The following HMGXB3 variants were observed in gnomAD, a reference collection of about 807,000 sequenced individuals.
HMGXB3 encodes HMG domain-containing protein 3.
A neutral mutation model predicts 121.5 loss-of-function variants in HMGXB3; 45 were observed. That is an observed-to-expected ratio of 0.37 (90% CI 0.29 to 0.47). The LOEUF (loss-of-function observed/expected upper bound fraction) is 0.47, where lower values mean the gene tolerates loss of function less well. Among genes scored for constraint, HMGXB3 ranks in the 20% least tolerant of loss-of-function variants. The probability of loss-of-function intolerance (pLI) is 0.99; values close to 1 mark genes in which losing one functional copy is unlikely to be tolerated. For synonymous variants in HMGXB3, 590 were observed against 624.1 expected, an observed-to-expected ratio of 0.95 and a Z score of 0.81; for missense variants, 1,376 against 1,602.2, an observed-to-expected ratio of 0.86 and a Z score of 2.41.
intron 14 of HMGXB3, 45 bp from the exon 15 acceptor site, chr5:150,041,740 G>A (rs896241946): frequency 1.4e-6 from 2 of 1,470,354 alleles, no homozygotes; most frequent in East Asian, 4.9e-5. Context: ...AGTGGCTTCA[G>A]TGTCTTTTTC....
Position 150,018,716 on chromosome 5 carries a change from T to TG in HMGXB3, c.1041+20dup. ...CCCAAAGGTAAGGTCCATTGGCTGT[T>TG]GCTGCTTTGGAAGCCTCACAGAATA... On this transcript the variant is annotated intron_variant, in intron 6 of 19. Transcript: ENST00000502717. 6.5e-7 allele frequency: 1 copy of TG among 1,541,066 alleles called. No homozygotes were observed. Among genetic ancestry groups the TG allele is most frequent in the South Asian group, 1.2e-5 (1 of 81,620 alleles).
In HMGXB3 at chr5:150,001,194, C is replaced by A. The variant is rs1444330579; in HGVS notation, c.-3+15C>A. 6.5e-6 allele frequency: 1 copy of A among 152,718 alleles called. No homozygotes were observed. The highest frequency in any genetic ancestry group is 1.5e-5 in the Non-Finnish European group (1 of 68,248). 9.5% of individuals were successfully genotyped at this position (152,718 alleles called of 1,614,324 possible). On this transcript the variant is annotated intron_variant, in intron 1 of 19. Coordinates refer to ENST00000502717, the MANE Select transcript of HMGXB3 (RefSeq NM_014983.3). Reference sequence around the variant, plus strand: ...CGCTCCTCCGGGTAAGTCCCGCCTTCGAGGGCCGCGCCGAGCCGCTGGGCG... The same window carrying A: ...CGCTCCTCCGGGTAAGTCCCGCCTTAGAGGGCCGCGCCGAGCCGCTGGGCG...
At chr5:150,012,463 G>C in intron 5 of HMGXB3, 110 bp downstream of exon 5, 1 of 759,074 alleles carries the variant, frequency 1.3e-6, no homozygotes, top group South Asian at 1.6e-5. Context: ...GGACCAAGAA[G>C]ATTTCTAAAA....
At chr5:150,044,737 C>T (rs1220791846) in intron 15 of HMGXB3, among the ~76,000 whole-genome samples, 1 of 152,102 alleles carries the variant, frequency 6.6e-6, no homozygotes, top group African/African-American at 2.4e-5. Context: ...CAAGATGTGG[C>T]CAAGGTTTTT....
chr5:150,028,505 ATGTGTGTG>A (rs1156746032), intron 9 of HMGXB3, among the ~76,000 whole-genome samples: 9 of 90,492 alleles, frequency 9.9e-5, no homozygotes, highest in South Asian at 6.3e-4. Context: ...ATATGTATGT[ATGTGTGTG>A]TGTGTGTGTG....
chr5:150,037,375 T>A (rs1375426992), intron 12 of HMGXB3, 25 bp from the exon 13 acceptor site: 1 of 1,508,382 alleles, frequency 6.6e-7, no homozygotes, highest in Non-Finnish European at 8.9e-7. Context: ...TTCTTTTTTT[T>A]TGTTGGTGAT....
intron 4 of HMGXB3, among the ~76,000 whole-genome samples, chr5:150,010,921 A>C (rs141140087): frequency 1.1e-3 from 170 of 152,378 alleles, no homozygotes; most frequent in Non-Finnish European, 2.2e-3. Context: ...AGGATCTGTC[A>C]GGCAATTTAG....
At chr5:150,020,405 G>A (rs9686746) in intron 6 of HMGXB3, among the ~76,000 whole-genome samples, 82,810 of 152,050 alleles carry the variant, frequency 0.54, 25,402 homozygotes, top group Non-Finnish European at 0.69. Flanking sequence ...ATCTTCCTTG[G>A]CCTTTCTTGA....
intron 3 of HMGXB3, among the ~76,000 whole-genome samples, chr5:150,009,621 T>G (rs1228577938): frequency 1.3e-5 from 2 of 152,250 alleles, no homozygotes; most frequent in African/African-American, 4.8e-5. Context: ...TTAACTTGTA[T>G]TTTATGCTTT....
chr5:150,010,392 A>C lies in HMGXB3; in HGVS notation c.594A>C (p.Ser198=), dbSNP rs1156317165. Residue 198 remains serine (S), a synonymous_variant, in exon 4 of 20, where the codon TCA becomes TCC. Transcript: ENST00000502717. ...LAEEVGALTQ[S]GAVQEIATSE... The stretch of plus-strand genomic sequence containing the variant: ...AGGAGGTGGGAGCCCTTACCCAGTC[A>C]GGTGCTGTACAGGAGATTGCCACCT... The C allele has an allele frequency of 6.4e-7, 1 of 1,551,498 alleles. No individual in the cohort carries two copies. Among genetic ancestry groups the C allele is most frequent in the Non-Finnish European group, 8.7e-7 (1 of 1,146,976 alleles).
Position 150,052,126 on chromosome 5 carries a change from T to C in HMGXB3, c.3813T>C (p.Val1271=), listed in dbSNP as rs1756925177. The C allele has an allele frequency of 2.6e-6, 4 of 1,551,564 alleles. No homozygotes were observed. The highest frequency in any genetic ancestry group is 3.5e-6 in the Non-Finnish European group (4 of 1,147,000). ...GTGACACCCTCTACCGCCTTGGGGT[T>C]GCTCAGATCAAGACAGAGACAGAGG... The part of the protein sequence containing the change: ...VIRDTLYRLG[V]AQIKTETEEE... The change falls in exon 20 of 20, where the codon GTT becomes GTC. Residue 1271 remains valine (V), a synonymous_variant. Coordinates refer to ENST00000502717, the MANE Select transcript of HMGXB3 (RefSeq NM_014983.3).
In HMGXB3 at chr5:150,050,289, G is replaced by A; in HGVS notation, c.3239G>A (p.Ser1080Asn). The change falls in exon 19 of 20, where the codon AGT becomes AAT. Residue 1080 changes from serine (S) to asparagine (N), a missense_variant. Physicochemically the swap from Ser to Asn is conservative, Grantham distance 46. Around this residue, in one of 2 missense-constraint regions of HMGXB3, gnomAD observed 1,116 missense variants for 1,369.0 expected, o/e 0.82. Coordinates refer to ENST00000502717, the MANE Select transcript of HMGXB3 (RefSeq NM_014983.3). ...TCCAAGTATCTTGTGCGAGGTGAGA[G>A]TGCCCGTGACCATGTGGACCTGCTT... Reference protein sequence around the residue: ...CGSKYLVRGESARDHVDLLAS... With the variant: ...CGSKYLVRGENARDHVDLLAS... 2 of 1,551,850 alleles carry A rather than the reference G, an allele frequency of 1.3e-6. No individual in the cohort carries two copies. Among genetic ancestry groups the A allele is most frequent in the Non-Finnish European group, 1.7e-6 (2 of 1,147,008 alleles).
chr5:150,027,184 C>A (rs761450846), intron 9 of HMGXB3, 67 bp downstream of exon 9: 20 of 1,275,726 alleles, frequency 1.6e-5, no homozygotes, highest in Admixed American at 8.9e-5. Context: ...TGTATCAAAG[C>A]TATAGGTAAA....
At chr5:150,022,986 ATTTTTT>A (rs56092645) in intron 6 of HMGXB3, among the ~76,000 whole-genome samples, 6 of 100,878 alleles carry the variant, frequency 5.9e-5, no homozygotes, top group Non-Finnish European at 5.7e-5. Flanking sequence ...TGCCTGGCTA[ATTTTTT>A]TTTTTTTTTT....
chr5:150,017,957 G>A (rs1454647309), intron 5 of HMGXB3, among the ~76,000 whole-genome samples: 1 of 152,188 alleles, frequency 6.6e-6, no homozygotes, highest in African/African-American at 2.4e-5. Context: ...ATTCTGTTGA[G>A]TATCAAAGGA....
At chr5:150,012,074 A>G (rs1245565511) in intron 4 of HMGXB3, among the ~76,000 whole-genome samples, 181 bp from the exon 5 acceptor site, 1 of 152,248 alleles carries the variant, frequency 6.6e-6, no homozygotes, top group Middle Eastern at 3.2e-3. Flanking sequence ...TCCTGTGGAA[A>G]TAGTTTTCTC....
intron 16 of HMGXB3, chr5:150,047,416 C>T: frequency 1.8e-6 from 1 of 569,290 alleles, no homozygotes; most frequent in Non-Finnish European, 3.1e-6. Context: ...CAGGATATCT[C>T]ACTCAGATGT....
intron 19 of HMGXB3, among the ~76,000 whole-genome samples, chr5:150,051,130 T>G (rs2113765614): frequency 6.6e-6 from 1 of 152,292 alleles, no homozygotes; most frequent in Non-Finnish European, 1.5e-5. Context: ...CTTTTCCGGG[T>G]CCCACAGCAG....
At chr5:150,017,657 G>C (rs1755988653) in intron 5 of HMGXB3, among the ~76,000 whole-genome samples, 1 of 152,222 alleles carries the variant, frequency 6.6e-6, no homozygotes, top group South Asian at 2.1e-4. Context: ...CTTCCTTGCA[G>C]AGGTAGCTAA....
Sources: allele counts gnomAD v4.1 joint callset (sites outside exome capture counted in the v4.1 genomes callset), GRCh38; gene constraint gnomAD v4.1.1; regional missense constraint gnomAD v4.1.1; transcripts MANE v1.5; gene names NCBI Gene and HGNC (gene_info 2026-07-23, HGNC 2026-07-21).